The following GABRG2 variants were observed in gnomAD, a reference collection of about 807,000 sequenced individuals.
The protein encoded by GABRG2 is gamma-aminobutyric acid type A receptor subunit gamma2.
Under a neutral mutation model 56.4 loss-of-function variants are expected in GABRG2, and 16 were observed. The observed-to-expected ratio is 0.28, with a 90% CI of 0.19 to 0.43. The LOEUF (loss-of-function observed/expected upper bound fraction) is 0.43. GABRG2 is among the 20% of genes least tolerant of loss of function. The pLI is 1.00. For missense variants in GABRG2, 327 were observed against 582.7 expected, an observed-to-expected ratio of 0.56 and a Z score of 4.52; for synonymous variants, 208 against 205.5, an observed-to-expected ratio of 1.01 and a Z score of -0.10.
intron 1 of GABRG2, among the ~76,000 whole-genome samples, chr5:162,093,064 G>A (rs1326499249): frequency 2.0e-5 from 3 of 152,228 alleles, no homozygotes; most frequent in South Asian, 2.1e-4. Context: ...TTTCTGATAG[G>A]TTTGGGCATA....
At chr5:162,079,128 C>A (rs1262518621) in intron 1 of GABRG2, among the ~76,000 whole-genome samples, 2 of 151,928 alleles carry the variant, frequency 1.3e-5, no homozygotes, top group African/African-American at 4.8e-5. Context: ...TTGTAATTTT[C>A]CAGGTACTCT....
Position 162,141,026 on chromosome 5 carries a change from C to CT in GABRG2, c.770-1130dup, listed in dbSNP as rs201376464. 5.2e-3 allele frequency among the ~76,000 whole-genome samples: 793 copies of CT among 151,846 alleles called. 5 individuals carry two copies. Among genetic ancestry groups the CT allele is most frequent in the African/African-American group, 0.017 (716 of 41,410 alleles). ...TGGATTATTTACATACATTTTGCTT[C>CT]TTTTTTTTGTTTGTTTCTTTTCTTT... is the stretch of plus-strand genomic sequence containing the variant. On this transcript the variant is annotated intron_variant, in intron 6 of 9. Coordinates refer to ENST00000639213, the MANE Select transcript of GABRG2 (RefSeq NM_198904.4).
intron 6 of GABRG2, among the ~76,000 whole-genome samples, chr5:162,131,169 T>C (rs1763727617): frequency 6.6e-6 from 1 of 152,000 alleles, no homozygotes; most frequent in Non-Finnish European, 1.5e-5. Context: ...TTATGACTCC[T>C]AAAGAGGAGT....
intron 6 of GABRG2, among the ~76,000 whole-genome samples, chr5:162,105,761 A>G (rs950828008): frequency 5.3e-5 from 8 of 151,700 alleles, no homozygotes; most frequent in Non-Finnish European, 1.0e-4. Flanking sequence ...TCAAAAAGGA[A>G]AAGTTCAGGA....
chr5:162,091,440 A>G (rs899985567), intron 1 of GABRG2, among the ~76,000 whole-genome samples: 1 of 152,158 alleles, frequency 6.6e-6, no homozygotes, highest in African/African-American at 2.4e-5. Flanking sequence ...GGAATGTAAT[A>G]TGAGAACTAA....
intron 1 of GABRG2, among the ~76,000 whole-genome samples, chr5:162,078,398 T>TATATATATATATATATATATA (rs1491452559): frequency 6.1e-5 from 1 of 16,390 alleles, no homozygotes; most frequent in African/African-American, 3.3e-4. Context: ...TATATATATA[T>TATATATATATATATATATATA]TTTTTTTTTT....
chr5:162,144,760 A>G (rs1055341278), intron 7 of GABRG2, among the ~76,000 whole-genome samples: 1 of 152,172 alleles, frequency 6.6e-6, no homozygotes, highest in Non-Finnish European at 1.5e-5. Flanking sequence ...GTGAAGACCA[A>G]TTGTAGGTAC....
At chr5:162,103,732 T>G in intron 5 of GABRG2, 157 bp from the exon 6 acceptor site, 1 of 762,108 alleles carries the variant, frequency 1.3e-6, no homozygotes, top group Non-Finnish European at 2.2e-6. Context: ...GTCATTGCAA[T>G]TTATGTTCTC....
intron 6 of GABRG2, among the ~76,000 whole-genome samples, chr5:162,134,408 C>T (rs1192083581): frequency 6.6e-6 from 1 of 152,094 alleles, no homozygotes; most frequent in Admixed American, 6.6e-5. Context: ...TCTGCTTTGA[C>T]ATAACTGACA....
intron 6 of GABRG2, among the ~76,000 whole-genome samples, chr5:162,131,328 C>T (rs546688054): frequency 7.2e-5 from 11 of 152,100 alleles, no homozygotes; most frequent in South Asian, 2.1e-4. Context: ...TGCTAATGTG[C>T]GTGGTGAACC....
chr5:162,121,775 A>T (rs1762994431), intron 6 of GABRG2, among the ~76,000 whole-genome samples: 1 of 152,050 alleles, frequency 6.6e-6, no homozygotes, highest in Non-Finnish European at 1.5e-5. Flanking sequence ...CATGAAGTGG[A>T]AGCATTTGAA....
chr5:162,151,470 C>T (rs1005624186), intron 8 of GABRG2: 32 of 423,938 alleles, frequency 7.5e-5, no homozygotes, highest in African/African-American at 5.7e-4. Flanking sequence ...AATTGAACAA[C>T]TCTGGCTTCT....
chr5:162,121,433 T>C (rs371696446), intron 6 of GABRG2, among the ~76,000 whole-genome samples: 61 of 152,250 alleles, frequency 4.0e-4, no homozygotes, highest in African/African-American at 1.3e-3. Flanking sequence ...GTTGGCAGAC[T>C]CTAGTTCAAA....
chr5:162,146,818 C>T (rs886852551), intron 7 of GABRG2, among the ~76,000 whole-genome samples: 1 of 152,190 alleles, frequency 6.6e-6, no homozygotes, highest in African/African-American at 2.4e-5. Context: ...TACCCTTCCT[C>T]TATAGCTATT....
intron 6 of GABRG2, among the ~76,000 whole-genome samples, chr5:162,114,486 G>A (rs919024000): frequency 1.3e-4 from 20 of 151,964 alleles, no homozygotes; most frequent in African/African-American, 4.6e-4. Flanking sequence ...GTGGTGAGCC[G>A]AGATAGCACC....
chr5:162,125,313 C>G (rs376215611), intron 6 of GABRG2, among the ~76,000 whole-genome samples: 1 of 151,470 alleles, frequency 6.6e-6, no homozygotes, highest in East Asian at 1.9e-4. Flanking sequence ...TTCATTTTTA[C>G]CCTGTTGCTT....
chr5:162,086,049 T>C (rs1760077067), intron 1 of GABRG2, among the ~76,000 whole-genome samples: 1 of 151,988 alleles, frequency 6.6e-6, no homozygotes, highest in Non-Finnish European at 1.5e-5. Context: ...AACATACTCG[T>C]GCATGCTTTG....
At chr5:162,116,090 A>G (rs1762597415) in intron 6 of GABRG2, among the ~76,000 whole-genome samples, 1 of 148,784 alleles carries the variant, frequency 6.7e-6, no homozygotes, top group Non-Finnish European at 1.5e-5. Flanking sequence ...TATGAATTAA[A>G]CACCAAGGGG....
intron 1 of GABRG2, among the ~76,000 whole-genome samples, chr5:162,071,334 C>G (rs879259353): frequency 1.9e-4 from 29 of 150,970 alleles, no homozygotes; most frequent in Non-Finnish European, 3.7e-4. Context: ...ATAAGAATAA[C>G]TGAAACATAA....
Sources: gnomAD v4.1 joint callset for allele counts (sites outside exome capture counted in the v4.1 genomes callset) on GRCh38, gnomAD v4.1.1 for gene constraint, MANE v1.5 for transcripts, NCBI Gene and HGNC (gene_info 2026-07-23, HGNC 2026-07-21) for gene names.